The following TTC28 variants were observed in gnomAD, a reference collection of about 807,000 sequenced individuals.
The protein encoded by TTC28 is tetratricopeptide repeat domain 28.
TTC28 carries 61 observed loss-of-function variants against 198.0 expected under a neutral mutation model. That is an observed-to-expected ratio of 0.31 (90% confidence interval 0.25 to 0.38). The LOEUF (loss-of-function observed/expected upper bound fraction) is 0.38, where lower values mean the gene tolerates loss of function less well. Among genes scored for constraint, TTC28 ranks in the 10% least tolerant of loss-of-function variants. TTC28 has a pLI of 1.00. For synonymous variants in TTC28, 1,171 were observed against 1,297.8 expected, an observed-to-expected ratio of 0.90 and a Z score of 2.10; for missense variants, 2,678 against 3,164.0, an observed-to-expected ratio of 0.85 and a Z score of 3.69.
intron 12 of TTC28, among the ~76,000 whole-genome samples, chr22:28,049,029 G>A (rs1939974399): frequency 6.6e-6 from 1 of 152,170 alleles, no homozygotes; most frequent in South Asian, 2.1e-4. Context: ...CAGACCATAA[G>A]GAGCCTTCAG....
chr22:28,042,700 A>T (rs1939698014), intron 12 of TTC28, among the ~76,000 whole-genome samples: 2 of 151,956 alleles, frequency 1.3e-5, no homozygotes, highest in Admixed American at 6.5e-5. Flanking sequence ...CACGTTGTGC[A>T]CATGTACCCT....
At chr22:28,313,090 G>T (rs529940022) in intron 2 of TTC28, among the ~76,000 whole-genome samples, 4 of 152,050 alleles carry the variant, frequency 2.6e-5, no homozygotes, top group Admixed American at 2.0e-4. Flanking sequence ...ACACCTCTAC[G>T]CAAATAAACT....
chr22:28,063,992 G>A lies in TTC28; in HGVS notation c.3932+30088C>T, dbSNP rs542074729. On this transcript the variant is annotated intron_variant, in intron 12 of 22. Coordinates refer to ENST00000397906, the MANE Select transcript of TTC28 (RefSeq NM_001145418.2). ...TTAGGAGGGTTCTTGTATCTGCAGAGCATTTGTTGAAATGAACTGTAAAAA... is the reference window on the plus strand; with the variant it reads ...TTAGGAGGGTTCTTGTATCTGCAGAACATTTGTTGAAATGAACTGTAAAAA... 4.6e-5 allele frequency among the ~76,000 whole-genome samples: 7 copies of A among 152,238 alleles called. No individual in the cohort carries two copies. In the East Asian group the frequency reaches 1.4e-3, roughly 29 times the overall value.
chr22:28,657,860 G>T (rs1288949226), intron 1 of TTC28, among the ~76,000 whole-genome samples: 1 of 151,968 alleles, frequency 6.6e-6, no homozygotes, highest in East Asian at 1.9e-4. Flanking sequence ...ACCTGGGCGG[G>T]CAACAGAGCA....
At chr22:28,276,737 A>T (rs1028490271) in intron 5 of TTC28, among the ~76,000 whole-genome samples, 10 of 152,192 alleles carry the variant, frequency 6.6e-5, no homozygotes, top group African/African-American at 1.9e-4. Flanking sequence ...AACTTACCTA[A>T]GATCACAAAA....
chr22:28,663,033 G>A (rs990708448), intron 1 of TTC28, among the ~76,000 whole-genome samples: 2 of 152,024 alleles, frequency 1.3e-5, no homozygotes, highest in Non-Finnish European at 2.9e-5. Flanking sequence ...CTGATCTCGA[G>A]GTCAGGAGAT....
chr22:28,290,912 T>TAC lies in TTC28; in HGVS notation c.933+5284_933+5285dup, dbSNP rs141591446. Among the ~76,000 whole-genome samples, 504 of 149,714 alleles carry TAC rather than the reference T, an allele frequency of 3.4e-3. 5 individuals carry two copies. Among genetic ancestry groups the TAC allele is most frequent in the Middle Eastern group, 0.017 (5 of 292 alleles). On this transcript the variant is annotated intron_variant, in intron 5 of 22. Coordinates refer to ENST00000397906, the MANE Select transcript of TTC28 (RefSeq NM_001145418.2). Reference sequence around the variant, plus strand: ...GAGTGACCCTGTCTCAAAACACACATACACACACACACACACAATGAAAAA... The same window carrying TAC: ...GAGTGACCCTGTCTCAAAACACACATACACACACACACACACACAATGAAAAA...
At chr22:28,189,027 C>G (rs921661925) in intron 5 of TTC28, among the ~76,000 whole-genome samples, 3 of 151,968 alleles carry the variant, frequency 2.0e-5, no homozygotes, top group African/African-American at 7.2e-5. Context: ...AAAGAAAGGG[C>G]TGAAGAAAAA....
chr22:28,555,713 G>A (rs991971577), intron 2 of TTC28, among the ~76,000 whole-genome samples: 26 of 152,168 alleles, frequency 1.7e-4, no homozygotes, highest in African/African-American at 6.0e-4. Context: ...GGGGTGCTGA[G>A]GGATAAAAGA....
chr22:28,139,882 C>T (rs954385197), intron 6 of TTC28, among the ~76,000 whole-genome samples: 1 of 152,148 alleles, frequency 6.6e-6, no homozygotes, highest in African/African-American at 2.4e-5. Context: ...AATCTCCTCT[C>T]TATAGGCTAA....
intron 2 of TTC28, among the ~76,000 whole-genome samples, chr22:28,530,169 T>C (rs570324884): frequency 5.9e-5 from 9 of 152,234 alleles, no homozygotes; most frequent in African/African-American, 2.2e-4. Flanking sequence ...TGAAAAAAGA[T>C]TGGATGAATG....
At chr22:28,172,653 A>G (rs567630697) in intron 5 of TTC28, among the ~76,000 whole-genome samples, 1 of 152,232 alleles carries the variant, frequency 6.6e-6, no homozygotes, top group Admixed American at 6.5e-5. Flanking sequence ...AGACTATTAC[A>G]TTGGCTCTTT....
At chr22:28,330,180 T>C (rs2045593015) in intron 2 of TTC28, among the ~76,000 whole-genome samples, 2 of 152,326 alleles carry the variant, frequency 1.3e-5, no homozygotes, top group South Asian at 2.1e-4. Flanking sequence ...ATAATTTTGA[T>C]TGAGAATCGT....
chr22:28,100,058 A>T (rs568088544), intron 9 of TTC28, among the ~76,000 whole-genome samples: 1 of 152,148 alleles, frequency 6.6e-6, no homozygotes, highest in Non-Finnish European at 1.5e-5. Flanking sequence ...TCTGACTCTG[A>T]TATTTTCCTT....
chr22:27,988,774 G>T (rs1937298873), intron 21 of TTC28, among the ~76,000 whole-genome samples: 1 of 151,992 alleles, frequency 6.6e-6, no homozygotes, highest in African/African-American at 2.4e-5. Flanking sequence ...CCCCTCCGTG[G>T]CTGTTCCCTC....
At chr22:28,139,072 G>C (rs907735569) in intron 6 of TTC28, among the ~76,000 whole-genome samples, 2 of 151,958 alleles carry the variant, frequency 1.3e-5, no homozygotes, top group Non-Finnish European at 2.9e-5. Context: ...GGAGAGATGG[G>C]GTGGAGTTGA....
At chr22:28,583,424 G>A (rs144734795) in intron 2 of TTC28, among the ~76,000 whole-genome samples, 34 of 152,270 alleles carry the variant, frequency 2.2e-4, no homozygotes, top group Middle Eastern at 3.4e-3. Context: ...AAAAGCAAAT[G>A]ACTAACAATT....
intron 13 of TTC28, among the ~76,000 whole-genome samples, chr22:28,020,890 C>T (rs1346717796): frequency 6.6e-6 from 1 of 152,098 alleles, no homozygotes; most frequent in Non-Finnish European, 1.5e-5. Context: ...AAACAAGCTC[C>T]TTCAGGCAGC....
chr22:28,637,979 TA>T (rs770561282), intron 1 of TTC28, among the ~76,000 whole-genome samples: 20 of 152,174 alleles, frequency 1.3e-4, no homozygotes, highest in Non-Finnish European at 2.6e-4. Flanking sequence ...TGTTTAATTA[TA>T]AAAAGGTGAA....
Sources: gnomAD v4.1 joint callset for allele counts (sites outside exome capture counted in the v4.1 genomes callset) on GRCh38, gnomAD v4.1.1 for gene constraint, MANE v1.5 for transcripts, NCBI Gene and HGNC (gene_info 2026-07-23, HGNC 2026-07-21) for gene names.